Variants in CTNND2 observed in about 807,000 individuals in gnomAD.
The protein encoded by CTNND2 is catenin delta-2.
A neutral mutation model predicts 144.4 loss-of-function variants in CTNND2; 22 were observed. The observed-to-expected ratio is 0.15, with a 90% CI of 0.11 to 0.22. The LOEUF (loss-of-function observed/expected upper bound fraction) is 0.22. Among genes scored for constraint, CTNND2 ranks in the 10% least tolerant of loss-of-function variants. The pLI is 1.00. For missense variants in CTNND2, 1,353 were observed against 1,618.8 expected, an observed-to-expected ratio of 0.84 and a Z score of 2.82; for synonymous variants, 751 against 695.6, an observed-to-expected ratio of 1.08 and a Z score of -1.25.
At chr5:11,336,493 T>G (rs776374315) in intron 9 of CTNND2, among the ~76,000 whole-genome samples, 11 of 151,644 alleles carry the variant, frequency 7.3e-5, no homozygotes, top group Non-Finnish European at 1.5e-4. Flanking sequence ...CTTTTAGTTT[T>G]CAACACCCTA....
At chr5:11,089,249 A>C (rs1750506566) in intron 15 of CTNND2, among the ~76,000 whole-genome samples, 1 of 148,678 alleles carries the variant, frequency 6.7e-6, no homozygotes, top group South Asian at 2.1e-4. Context: ...TATAGCAGTT[A>C]GCACTCTCCT....
chr5:11,847,374 C>A (rs900958882), intron 1 of CTNND2, among the ~76,000 whole-genome samples: 2 of 151,770 alleles, frequency 1.3e-5, no homozygotes, highest in South Asian at 4.2e-4. Flanking sequence ...GTGAACTAAT[C>A]TAGGTACAAT....
intron 3 of CTNND2, among the ~76,000 whole-genome samples, chr5:11,520,405 C>T (rs1309048133): frequency 6.6e-6 from 1 of 152,100 alleles, no homozygotes; most frequent in Admixed American, 6.5e-5. Context: ...GCAAATGTTC[C>T]ACAGATGAAC....
At chr5:11,218,179 G>A (rs879711656) in intron 10 of CTNND2, among the ~76,000 whole-genome samples, 1 of 151,784 alleles carries the variant, frequency 6.6e-6, no homozygotes, top group Admixed American at 6.6e-5. Flanking sequence ...CCAAGGAGTT[G>A]TACCAAGTGT....
At chr5:11,049,142 A>G (rs1745578445) in intron 16 of CTNND2, among the ~76,000 whole-genome samples, 3 of 152,178 alleles carry the variant, frequency 2.0e-5, no homozygotes, top group African/African-American at 4.8e-5. Flanking sequence ...TCACCTTCTG[A>G]AAGTCAAGGG....
At chr5:11,284,040 C>G (rs1385029434) in intron 9 of CTNND2, among the ~76,000 whole-genome samples, 1 of 152,162 alleles carries the variant, frequency 6.6e-6, no homozygotes, top group Non-Finnish European at 1.5e-5. Flanking sequence ...GGTCCCTTTA[C>G]TGAGGAAAGC....
At chr5:11,686,769 G>A (rs1204393643) in intron 2 of CTNND2, among the ~76,000 whole-genome samples, 1 of 147,850 alleles carries the variant, frequency 6.8e-6, no homozygotes, top group African/African-American at 2.5e-5. Flanking sequence ...AGAAATATAT[G>A]TATATACAAT....
At chr5:11,149,069 G>A (rs895905810) in intron 12 of CTNND2, among the ~76,000 whole-genome samples, 3 of 152,180 alleles carry the variant, frequency 2.0e-5, no homozygotes, top group Non-Finnish European at 4.4e-5. Context: ...AAGGAGAAAC[G>A]CTGCCCTTCA....
At chr5:11,707,077 C>T (rs1785748400) in intron 2 of CTNND2, among the ~76,000 whole-genome samples, 1 of 148,118 alleles carries the variant, frequency 6.8e-6, no homozygotes, top group African/African-American at 2.5e-5. Flanking sequence ...CAGAGCAATA[C>T]TCCATCTCAA....
At chr5:11,055,518 C>A (rs1746265438) in intron 16 of CTNND2, among the ~76,000 whole-genome samples, 1 of 152,210 alleles carries the variant, frequency 6.6e-6, no homozygotes, top group Non-Finnish European at 1.5e-5. Context: ...AACTACTACC[C>A]ATACCCGTTC....
intron 3 of CTNND2, among the ~76,000 whole-genome samples, chr5:11,487,303 C>A (rs1024406630): frequency 1.3e-5 from 2 of 152,148 alleles, no homozygotes; most frequent in South Asian, 2.1e-4. Flanking sequence ...ATACACACAG[C>A]GACACAAAGT....
At chr5:11,682,061 G>GTAACTACA (rs1784441466) in intron 2 of CTNND2, among the ~76,000 whole-genome samples, 1 of 152,170 alleles carries the variant, frequency 6.6e-6, no homozygotes, top group Non-Finnish European at 1.5e-5. Context: ...TAACTGACTG[G>GTAACTACA]GAGCAGCAAC....
chr5:11,240,421 G>A (rs1349090779), intron 9 of CTNND2, among the ~76,000 whole-genome samples: 18 of 30,006 alleles, frequency 6.0e-4, no homozygotes, highest in African/African-American at 2.3e-3. Context: ...AACACACACT[G>A]ACACACACTC....
At chr5:11,830,583 T>C (rs1053669159) in intron 1 of CTNND2, among the ~76,000 whole-genome samples, 1 of 152,232 alleles carries the variant, frequency 6.6e-6, no homozygotes, top group Non-Finnish European at 1.5e-5. Flanking sequence ...CATGTGGAAC[T>C]GTAAGTCCAT....
chr5:11,440,829 G>A (rs1341488267), intron 3 of CTNND2, among the ~76,000 whole-genome samples: 1 of 152,174 alleles, frequency 6.6e-6, no homozygotes, highest in East Asian at 1.9e-4. Flanking sequence ...CATGGATAGA[G>A]TTATCGCTGA....
chr5:11,162,629 T>G (rs1433243377), intron 11 of CTNND2, among the ~76,000 whole-genome samples: 1 of 152,056 alleles, frequency 6.6e-6, no homozygotes, highest in Non-Finnish European at 1.5e-5. Context: ...CTGCAATGAA[T>G]CTCTATCAAG....
intron 9 of CTNND2, among the ~76,000 whole-genome samples, chr5:11,282,537 C>A (rs965731525): frequency 6.6e-6 from 1 of 152,194 alleles, no homozygotes; most frequent in Non-Finnish European, 1.5e-5. Context: ...AAAAGGCCAG[C>A]AGCTCCTGCT....
intron 1 of CTNND2, among the ~76,000 whole-genome samples, chr5:11,817,583 G>A (rs992116787): frequency 1.3e-5 from 2 of 151,998 alleles, no homozygotes; most frequent in African/African-American, 4.8e-5. Flanking sequence ...GAAGCGGAGG[G>A]GACAGCTTTG....
chr5:11,862,028 C>T (rs1795528118), intron 1 of CTNND2, among the ~76,000 whole-genome samples: 3 of 152,316 alleles, frequency 2.0e-5, no homozygotes, highest in Admixed American at 2.0e-4. Context: ...TCCCTCTAAA[C>T]TTGCTCTGTG....
Sources: allele counts gnomAD v4.1 joint callset (sites outside exome capture counted in the v4.1 genomes callset), GRCh38; gene constraint gnomAD v4.1.1; transcripts MANE v1.5; gene names NCBI Gene and HGNC (gene_info 2026-07-23, HGNC 2026-07-21).